Variants in TTC28 observed in about 807,000 individuals in gnomAD.
TTC28 encodes the protein tetratricopeptide repeat protein 28.
TTC28 carries 61 observed loss-of-function variants against 198.0 expected under a neutral mutation model. That is an observed-to-expected ratio of 0.31 (90% CI 0.25 to 0.38). The LOEUF (loss-of-function observed/expected upper bound fraction) is 0.38. Among genes scored for constraint, TTC28 ranks in the 10% least tolerant of loss-of-function variants. The pLI is 1.00. For missense variants in TTC28, 2,678 were observed against 3,164.0 expected (o/e 0.85, Z 3.69); for synonymous variants, 1,171 against 1,297.8 (o/e 0.90, Z 2.10).
chr22:28,160,020 A>T (rs1300868816), intron 6 of TTC28, among the ~76,000 whole-genome samples: 1 of 152,216 alleles, frequency 6.6e-6, no homozygotes, highest in African/African-American at 2.4e-5. Context: ...AATTGAAGTC[A>T]TGGACATAAA....
chr22:28,163,266 G>C lies in TTC28; in HGVS notation c.1267C>G (p.Leu423Val). 2 of 1,551,864 alleles carry C rather than the reference G, an allele frequency of 1.3e-6. No individual in the cohort carries two copies. The highest frequency in any genetic ancestry group is 8.7e-7 in the Non-Finnish European group (1 of 1,147,036). The change falls in exon 6 of 23, where the codon CTG becomes GTG. Residue 423 changes from leucine (L) to valine (V), a missense_variant. Leu to Val is a conservative substitution (Grantham distance 32). Around this residue, in one of 8 missense-constraint regions of TTC28, gnomAD observed 775 missense variants for 845.9 expected, o/e 0.92. Transcript: ENST00000397906. ...AMSYHNYVLE[L>V]AQELMEKAIE... is the part of the protein sequence containing the mutation. ...GCCTTCTCCATCAACTCCTGTGCCAGCTCCAGGACATAGTTATGGTAAGAC... is the reference window on the plus strand; with the variant it reads ...GCCTTCTCCATCAACTCCTGTGCCACCTCCAGGACATAGTTATGGTAAGAC...
chr22:28,334,421 C>T (rs897527964), intron 2 of TTC28, among the ~76,000 whole-genome samples: 2 of 152,168 alleles, frequency 1.3e-5, no homozygotes, highest in African/African-American at 2.4e-5. Flanking sequence ...CCTGAGGAAT[C>T]GCCACACTGA....
intron 13 of TTC28, among the ~76,000 whole-genome samples, chr22:28,022,815 CA>C (rs1381898174): frequency 6.6e-6 from 1 of 152,208 alleles, no homozygotes; most frequent in Non-Finnish European, 1.5e-5. Flanking sequence ...AGAGATGCCT[CA>C]ATTCAATTAA....
intron 2 of TTC28, among the ~76,000 whole-genome samples, chr22:28,330,207 G>A (rs1475961089): frequency 6.6e-6 from 1 of 152,044 alleles, no homozygotes; most frequent in African/African-American, 2.4e-5. Context: ...ATTTTATTCA[G>A]GTATAATATC....
chr22:28,659,277 A>AT (rs1321532997), intron 1 of TTC28, among the ~76,000 whole-genome samples: 13 of 151,652 alleles, frequency 8.6e-5, no homozygotes, highest in African/African-American at 1.9e-4. Context: ...ACTCAAATTA[A>AT]TTTTTTTTTG....
chr22:28,517,806 G>C (rs2048819806), intron 2 of TTC28, among the ~76,000 whole-genome samples: 1 of 151,920 alleles, frequency 6.6e-6, no homozygotes. Flanking sequence ...AGGGCTGTAG[G>C]GTGAAAATAT....
intron 2 of TTC28, among the ~76,000 whole-genome samples, chr22:28,328,998 G>A (rs1042621818): frequency 6.6e-6 from 1 of 151,794 alleles, no homozygotes; most frequent in Non-Finnish European, 1.5e-5. Context: ...AGAGAAACCT[G>A]ATTTCAGAGA....
intron 1 of TTC28, among the ~76,000 whole-genome samples, chr22:28,651,827 G>A (rs973302907): frequency 6.6e-6 from 1 of 151,552 alleles, no homozygotes; most frequent in Non-Finnish European, 1.5e-5. Context: ...TACTCTGAAT[G>A]CAGTTTTTGT....
chr22:28,579,360 CAT>C (rs1010992503), intron 2 of TTC28, among the ~76,000 whole-genome samples: 12 of 148,678 alleles, frequency 8.1e-5, no homozygotes, highest in African/African-American at 2.5e-4. Flanking sequence ...CATAACTATA[CAT>C]ATGACTACAT....
intron 2 of TTC28, among the ~76,000 whole-genome samples, chr22:28,433,939 A>G (rs1352678775): frequency 6.6e-6 from 1 of 152,254 alleles, no homozygotes; most frequent in African/African-American, 2.4e-5. Context: ...ATTCTTGGTC[A>G]TCAATACCAC....
intron 2 of TTC28, among the ~76,000 whole-genome samples, chr22:28,520,172 T>G (rs554080618): frequency 1.3e-5 from 2 of 151,978 alleles, no homozygotes; most frequent in Non-Finnish European, 2.9e-5. Context: ...AAGCAGCAAA[T>G]AGAAGACAGA....
intron 6 of TTC28, among the ~76,000 whole-genome samples, chr22:28,142,013 G>A (rs1289081047): frequency 6.6e-6 from 1 of 152,154 alleles, no homozygotes; most frequent in Non-Finnish European, 1.5e-5. Context: ...ACTGATGGAA[G>A]ACATACCTAA....
chr22:28,186,637 C>T (rs1315020092), intron 5 of TTC28, among the ~76,000 whole-genome samples: 1 of 152,140 alleles, frequency 6.6e-6, no homozygotes, highest in Non-Finnish European at 1.5e-5. Flanking sequence ...CAGAAGGTTC[C>T]ATTCAAAGTA....
intron 2 of TTC28, among the ~76,000 whole-genome samples, chr22:28,410,653 C>G (rs1438507361): frequency 6.6e-6 from 1 of 151,884 alleles, no homozygotes; most frequent in Non-Finnish European, 1.5e-5. Context: ...GGGGAATAGC[C>G]AAGTAGGTTG....
intron 5 of TTC28, among the ~76,000 whole-genome samples, chr22:28,178,444 G>A (rs77109182): frequency 0.066 from 10,040 of 152,140 alleles, 488 homozygotes; most frequent in East Asian, 0.22. Context: ...ACCAGCCTGG[G>A]CAACAAGAGT....
At chr22:28,060,143 AATGTGCAGGTTTGTTACACATGTATAC>A (rs1940461038) in intron 12 of TTC28, among the ~76,000 whole-genome samples, 1 of 152,144 alleles carries the variant, frequency 6.6e-6, no homozygotes, top group African/African-American at 2.4e-5. Context: ...ACATGTGCAC[AATGTGCAGGTTTGTTACACATGTATAC>A]ATGTGCCATG....
chr22:28,432,023 T>C (rs1462881632), intron 2 of TTC28, among the ~76,000 whole-genome samples: 5 of 149,812 alleles, frequency 3.3e-5, no homozygotes, highest in Admixed American at 2.7e-4. Context: ...CAGTGGCTCA[T>C]GCCTGTAATC....
At chr22:28,302,668 GTTTTTGT>G (rs913211406) in intron 3 of TTC28, among the ~76,000 whole-genome samples, 43 of 152,050 alleles carry the variant, frequency 2.8e-4, no homozygotes, top group Non-Finnish European at 5.3e-4. Context: ...TTGTTTTTTG[GTTTTTGT>G]TTTTTGTTTT....
chr22:28,586,387 AT>A (rs2050319579), intron 2 of TTC28, among the ~76,000 whole-genome samples: 4 of 151,998 alleles, frequency 2.6e-5, no homozygotes, highest in African/African-American at 9.7e-5. Flanking sequence ...AATCAATAAT[AT>A]ATAGATTTTT....
Sources: allele counts gnomAD v4.1 joint callset (sites outside exome capture counted in the v4.1 genomes callset), GRCh38; gene constraint gnomAD v4.1.1; regional missense constraint gnomAD v4.1.1; transcripts MANE v1.5; gene names NCBI Gene and HGNC (gene_info 2026-07-23, HGNC 2026-07-21).